Variants in LRRC51 observed in about 807,000 individuals in gnomAD.
LRRC51 encodes the protein leucine rich repeat containing 51.
In LRRC51, 8 loss-of-function variants were observed where a neutral mutation model predicts 17.8. The ratio of observed to expected loss-of-function variants is 0.45; its 90% CI spans 0.26 to 0.81. LRRC51 has a LOEUF of 0.81. LRRC51 is among the 30% of genes least tolerant of loss of function. LRRC51 has a pLI of 0.17. For missense variants in LRRC51, 233 were observed against 239.3 expected (o/e 0.97, Z 0.17); for synonymous variants, 92 against 96.0 (o/e 0.96, Z 0.24).
intron 1 of LRRC51, among the ~76,000 whole-genome samples, chr11:72,083,103 G>A (rs1291611042): frequency 1.3e-5 from 2 of 152,180 alleles, no homozygotes; most frequent in Admixed American, 1.3e-4. Flanking sequence ...GACCTCAGGT[G>A]ATCTGCCCAC....
intron 3 of LRRC51, 187 bp downstream of exon 3, chr11:72,089,352 T>C: frequency 6.7e-7 from 1 of 1,500,132 alleles, no homozygotes; most frequent in Non-Finnish European, 8.9e-7. Flanking sequence ...TTTGTTTTGA[T>C]TTTGCCCCGA....
chr11:72,084,208 C>T (rs1464476610), intron 1 of LRRC51, among the ~76,000 whole-genome samples: 1 of 151,966 alleles, frequency 6.6e-6, no homozygotes, highest in Non-Finnish European at 1.5e-5. Context: ...TTTTTTCCAC[C>T]ATCAGTCCAT....
Position 72,095,878 on chromosome 11 carries a change from C to T in LRRC51, c.*358C>T, listed in dbSNP as rs1206497923. The T allele has an allele frequency of 1.4e-5, 5 of 356,474 alleles. No homozygotes were observed. The highest frequency in any genetic ancestry group is 2.2e-5 in the Non-Finnish European group (4 of 184,374). The allele number at this position is 356,474 out of a possible 1,614,324, so 22.1% of individuals were successfully genotyped here. A position where few individuals can be genotyped will look rare whatever the true frequency, so the allele number is the denominator to read the frequency against. ...GTTGTTGTTTTGAGACGGTTTCACT[C>T]GTCACCCCAGCTGGAGTGCAGTGGT... is the stretch of plus-strand genomic sequence containing the variant. On this transcript the variant is annotated 3_prime_UTR_variant, in exon 6 of 6. Transcript: ENST00000289488.
chr11:72,096,589 T>G lies in LRRC51; in HGVS notation c.*1069T>G. On this transcript the variant is annotated 3_prime_UTR_variant, in exon 6 of 6. Transcript: ENST00000289488. ...GGAGGCAATTGAGGGAAAGGCCTGC[T>G]GGCCTGGGACACTGGAGACGTGGGT... The G allele has an allele frequency of 7.0e-7, 1 of 1,435,208 alleles. No homozygotes were observed. Among genetic ancestry groups the G allele is most frequent in the Non-Finnish European group, 9.2e-7 (1 of 1,092,520 alleles). The allele number at this position is 1,435,208 out of a possible 1,614,324, so 88.9% of individuals were successfully genotyped here.
Position 72,096,737 on chromosome 11 carries a change from T to C in LRRC51, c.*1217T>C, listed in dbSNP as rs368576317. 6.5e-7 allele frequency: 1 copy of C among 1,533,708 alleles called. No individual in the cohort carries two copies. The highest frequency in any genetic ancestry group is 8.8e-7 in the Non-Finnish European group (1 of 1,137,720). ...ACTCTTCACAGAGTACCAGGGTCTGTAGAGATGCCTCACAGGCCTCCATGA... is the reference window on the plus strand; with the variant it reads ...ACTCTTCACAGAGTACCAGGGTCTGCAGAGATGCCTCACAGGCCTCCATGA... On this transcript the variant is annotated 3_prime_UTR_variant, in exon 6 of 6. Coordinates refer to ENST00000289488, the MANE Select transcript of LRRC51 (RefSeq NM_145309.6).
chr11:72,090,556 A>T (rs1944799892), intron 3 of LRRC51, among the ~76,000 whole-genome samples: 1 of 152,214 alleles, frequency 6.6e-6, no homozygotes, highest in Non-Finnish European at 1.5e-5. Flanking sequence ...GAGGCACATC[A>T]AAGGCCCAAA....
At chr11:72,081,519 C>G (rs1260946947) in intron 1 of LRRC51, among the ~76,000 whole-genome samples, 2 of 152,204 alleles carry the variant, frequency 1.3e-5, no homozygotes, top group Non-Finnish European at 2.9e-5. Context: ...GCTTCAAGTT[C>G]CAGGCATAAC....
rs116078212 is a variant in LRRC51, at chr11:72,088,556, C to T, written c.-56+176C>T. 776 of 623,644 alleles carry T rather than the reference C, an allele frequency of 1.2e-3. 6 individuals are homozygous for T. The African/African-American group carries it at 0.013, about 11-fold the overall frequency. 38.6% of individuals were successfully genotyped at this position (623,644 alleles called of 1,614,324 possible). A position where few individuals can be genotyped will look rare whatever the true frequency, so the allele number is the denominator to read the frequency against. Reference sequence around the variant, plus strand: ...GGCCAGACTGAGAGGGGTGGTGAGACACCAACCAGATGCGGTGCAGGCCCT... The same window carrying T: ...GGCCAGACTGAGAGGGGTGGTGAGATACCAACCAGATGCGGTGCAGGCCCT... On this transcript the variant is annotated intron_variant, in intron 2 of 5. Transcript: ENST00000289488.
At chr11:72,082,183 G>A (rs1390626347) in intron 1 of LRRC51, among the ~76,000 whole-genome samples, 1 of 152,178 alleles carries the variant, frequency 6.6e-6, no homozygotes, top group Non-Finnish European at 1.5e-5. Flanking sequence ...TGGGGAAAAG[G>A]AACTAGAGAG....
At chr11:72,089,838 CT>C (rs543494556) in intron 3 of LRRC51, among the ~76,000 whole-genome samples, 3 of 152,310 alleles carry the variant, frequency 2.0e-5, no homozygotes, top group African/African-American at 7.2e-5. Context: ...TAGCTAGTCC[CT>C]TCAGGAGGGA....
intron 1 of LRRC51, among the ~76,000 whole-genome samples, chr11:72,087,251 T>C (rs1187730969): frequency 6.6e-6 from 1 of 151,508 alleles, no homozygotes; most frequent in Non-Finnish European, 1.5e-5. Context: ...TAAACTGAAT[T>C]ATAAGATATC....
At position 72,096,618 on chromosome 11, in the gene LRRC51, C is replaced by G; in HGVS notation, c.*1098C>G. On this transcript the variant is annotated 3_prime_UTR_variant, in exon 6 of 6. Coordinates refer to ENST00000289488, the MANE Select transcript of LRRC51 (RefSeq NM_145309.6). ...CTGGGACACTGGAGACGTGGGTTTACCACACAGCCTTGGGAAATTTATCTA... is the reference window on the plus strand; with the variant it reads ...CTGGGACACTGGAGACGTGGGTTTAGCACACAGCCTTGGGAAATTTATCTA... 1 of 1,500,086 alleles carries G rather than the reference C, an allele frequency of 6.7e-7. No individual in the cohort carries two copies. Among genetic ancestry groups the G allele is most frequent in the Non-Finnish European group, 8.9e-7 (1 of 1,123,632 alleles). The allele number at this position is 1,500,086 out of a possible 1,614,324, so 92.9% of individuals were successfully genotyped here.
At chr11:72,086,245 A>T in intron 1 of LRRC51, 1 of 592,374 alleles carries the variant, frequency 1.7e-6, no homozygotes. Flanking sequence ...GGCAGCTGTT[A>T]CTTGGAACTG....
At position 72,096,656 on chromosome 11, in the gene LRRC51, C is replaced by T; in HGVS notation, c.*1136C>T. 3 of 1,539,220 alleles carry T rather than the reference C, an allele frequency of 1.9e-6. No individual in the cohort carries two copies. In the South Asian group the frequency reaches 3.7e-5, roughly 19 times the overall value. ...GGAAATTTATCTAACTCTCTGGGCC[C>T]CTTTGTACTTTTCAGCTTAGAGATT... On this transcript the variant is annotated 3_prime_UTR_variant, in exon 6 of 6. Coordinates refer to ENST00000289488, the MANE Select transcript of LRRC51 (RefSeq NM_145309.6).
At position 72,096,638 on chromosome 11, in the gene LRRC51, T is replaced by G; in HGVS notation, c.*1118T>G. 2 of 1,523,884 alleles carry G rather than the reference T, an allele frequency of 1.3e-6. No individual in the cohort carries two copies. Among genetic ancestry groups the G allele is most frequent in the Middle Eastern group, 1.7e-4 (1 of 5,816 alleles). The allele number at this position is 1,523,884 out of a possible 1,614,324, so 94.4% of individuals were successfully genotyped here. ...GTTTACCACACAGCCTTGGGAAATT[T>G]ATCTAACTCTCTGGGCCCCTTTGTA... is the stretch of plus-strand genomic sequence containing the variant. On this transcript the variant is annotated 3_prime_UTR_variant, in exon 6 of 6. Transcript: ENST00000289488.
chr11:72,094,804 C>T (rs745565887), intron 4 of LRRC51, 144 bp from the exon 5 acceptor site: 1 of 1,452,538 alleles, frequency 6.9e-7, no homozygotes, highest in South Asian at 1.1e-5. Context: ...AAGTAGGTTA[C>T]AGTCATACAG....
intron 3 of LRRC51, 128 bp downstream of exon 3, chr11:72,089,293 T>C (rs1434560991): frequency 6.5e-7 from 1 of 1,539,592 alleles, no homozygotes; most frequent in Non-Finnish European, 8.8e-7. Flanking sequence ...GTGTTGTTAC[T>C]GTCTTTTGGA....
At chr11:72,089,365 C>T in intron 3 of LRRC51, 200 bp downstream of exon 3, 1 of 1,486,780 alleles carries the variant, frequency 6.7e-7, no homozygotes, top group Non-Finnish European at 9.0e-7. Context: ...TGCCCCGATA[C>T]AGCCCCAGGA....
chr11:72,094,903 G>GGTCCT, intron 4 of LRRC51, 45 bp from the exon 5 acceptor site: 2 of 1,614,082 alleles, frequency 1.2e-6, no homozygotes, highest in Non-Finnish European at 1.7e-6. Context: ...AGAGATTCAG[G>GGTCCT]GTCCTGTCCT....
Sources: gnomAD v4.1 joint callset for allele counts (sites outside exome capture counted in the v4.1 genomes callset) on GRCh38, gnomAD v4.1.1 for gene constraint, MANE v1.5 for transcripts, NCBI Gene and HGNC (gene_info 2026-07-23, HGNC 2026-07-21) for gene names.